The following AGL variants were observed in gnomAD, a reference collection of about 807,000 sequenced individuals.
AGL encodes glycogen debranching enzyme.
AGL carries 128 observed loss-of-function variants against 199.3 expected under a neutral mutation model. The observed-to-expected ratio is 0.64, with a 90% confidence interval of 0.56 to 0.74. AGL has a LOEUF of 0.74. Ranked by LOEUF, AGL falls within the 30% of genes least tolerant of loss-of-function variation. AGL has a pLI of 0.00. For synonymous variants in AGL, 584 were observed against 594.7 expected (o/e 0.98, Z 0.26); for missense variants, 1,809 against 1,820.8 (o/e 0.99, Z 0.12).
chr1:99,903,218 T>C (rs1653985479), intron 27 of AGL, among the ~76,000 whole-genome samples: 1 of 152,172 alleles, frequency 6.6e-6, no homozygotes, highest in Non-Finnish European at 1.5e-5. Context: ...ACATGTGCCA[T>C]GTTGGTGTGC....
chr1:99,913,797 C>A (rs1430908187), intron 30 of AGL, 59 bp downstream of exon 30: 1 of 1,498,704 alleles, frequency 6.7e-7, no homozygotes, highest in Non-Finnish European at 9.3e-7. Flanking sequence ...TTGCTTAGTT[C>A]CTTATTCCCA....
intron 2 of AGL, 26 bp downstream of exon 2, chr1:99,851,150 C>T (rs780347417): frequency 6.3e-7 from 1 of 1,579,404 alleles, no homozygotes; most frequent in Non-Finnish European, 8.7e-7. Context: ...TTTTGATTTG[C>T]TCATTTGCGT....
chr1:99,880,579 C>A, intron 13 of AGL, 53 bp from the exon 14 acceptor site: 1 of 1,579,318 alleles, frequency 6.3e-7, no homozygotes, highest in Non-Finnish European at 8.7e-7. Flanking sequence ...AATCTAACCT[C>A]TTCCTGGACA....
intron 11 of AGL, 101 bp downstream of exon 11, chr1:99,876,698 G>T: frequency 7.3e-7 from 1 of 1,368,788 alleles, no homozygotes; most frequent in Non-Finnish European, 1.0e-6. Flanking sequence ...TAGTCTATTG[G>T]TTTTTAAATA....
chr1:99,874,745 T>G lies in AGL; in HGVS notation c.1017T>G (p.Pro339=), dbSNP rs1651356585. Residue 339 remains proline, a synonymous_variant, in exon 8 of 34, where the codon CCT becomes CCG. Transcript: ENST00000361915. ...PNQHLTIIQD[P]EYRRFGCTVD... ...AACACCTTACGATTATTCAAGATCC[T>G]GAATACAGACGGTTTGGCTGTACTG... 11 of 1,613,518 alleles carry G rather than the reference T, an allele frequency of 6.8e-6. No individual in the cohort carries two copies. The highest frequency in any genetic ancestry group is 9.3e-6 in the Non-Finnish European group (11 of 1,179,600).
Position 99,881,448 on chromosome 1 carries a change from G to A in AGL, c.2157+1G>A. The A allele has an allele frequency of 6.2e-7, 1 of 1,614,008 alleles. No individual in the cohort carries two copies. The highest frequency in any genetic ancestry group is 1.1e-5 in the South Asian group (1 of 91,076). On this transcript the variant is annotated splice_donor_variant, in intron 16 of 33. Transcript: ENST00000361915. LOFTEE classifies it high-confidence loss of function. ...GCTTGGAGCCAAGGGTTTTATTCAG[G>A]CAAGAAATAATTAAATTTGTTTCTT...
chr1:99,857,430 AGTCTC>A (rs910028816), intron 2 of AGL, among the ~76,000 whole-genome samples: 4 of 152,118 alleles, frequency 2.6e-5, no homozygotes, highest in Non-Finnish European at 5.9e-5. Context: ...CAGAGGCTGC[AGTCTC>A]GGCACTTTGG....
chr1:99,884,883 T>A (rs534159233), intron 20 of AGL, among the ~76,000 whole-genome samples, 180 bp downstream of exon 20: 2 of 152,338 alleles, frequency 1.3e-5, no homozygotes, highest in South Asian at 4.1e-4. Context: ...TTTGTGTGTG[T>A]ACCTGCATGT....
chr1:99,882,753 A>G (rs1307463444), intron 17 of AGL, among the ~76,000 whole-genome samples: 3 of 152,174 alleles, frequency 2.0e-5, no homozygotes, highest in Non-Finnish European at 4.4e-5. Context: ...ACAGCATAGC[A>G]TGCTCCTGTT....
intron 22 of AGL, 41 bp from the exon 23 acceptor site, chr1:99,891,565 T>C (rs1382831787): frequency 6.2e-7 from 1 of 1,609,930 alleles, no homozygotes; most frequent in East Asian, 2.2e-5. Flanking sequence ...ACCTAGTCTG[T>C]ACACATACCA....
chr1:99,870,108 C>T (rs1650862126), intron 5 of AGL, among the ~76,000 whole-genome samples: 1 of 152,028 alleles, frequency 6.6e-6, no homozygotes, highest in Non-Finnish European at 1.5e-5. Context: ...ATTTCATTAA[C>T]ACTTTAGGAT....
chr1:99,901,147 T>G (rs1653806389), intron 26 of AGL, among the ~76,000 whole-genome samples: 1 of 151,792 alleles, frequency 6.6e-6, no homozygotes, highest in Non-Finnish European at 1.5e-5. Context: ...GTCCAGTAGG[T>G]AGGTCTCAGG....
chr1:99,850,955 A>T lies in AGL; in HGVS notation c.-68-20A>T, dbSNP rs1648898216. 5.5e-6 allele frequency: 6 copies of T among 1,091,108 alleles called. No homozygotes were observed. The South Asian group carries it at 7.5e-5, about 14-fold the overall frequency. The allele number at this position is 1,091,108 out of a possible 1,614,324, so 67.6% of individuals were successfully genotyped here. ...AGGCAATAGTTATTTTCGATATTTT[A>T]ACTCCTTTTTGTTTCATAGGGGTAA... On this transcript the variant is annotated intron_variant, in intron 1 of 33. Coordinates refer to ENST00000361915, the MANE Select transcript of AGL (RefSeq NM_000642.3).
rs138069432 is a variant in AGL at position 99,853,400 on chromosome 1, T to C, written c.82+2276T>C. Among the ~76,000 whole-genome samples, 318 of 152,360 alleles carry C rather than the reference T, an allele frequency of 2.1e-3. 3 individuals are homozygous for C. The highest frequency in any genetic ancestry group is 7.6e-3 in the African/African-American group (314 of 41,586). On this transcript the variant is annotated intron_variant, in intron 2 of 33. Transcript: ENST00000361915. ...TTTATATCTGTTAAATCTCATTTACTGTCAGTCTATGTGTTGCCTAAGTTT... is the reference window on the plus strand; with the variant it reads ...TTTATATCTGTTAAATCTCATTTACCGTCAGTCTATGTGTTGCCTAAGTTT...
intron 27 of AGL, among the ~76,000 whole-genome samples, chr1:99,909,278 C>T (rs1362020857): frequency 6.6e-6 from 1 of 152,142 alleles, no homozygotes; most frequent in African/African-American, 2.4e-5. Flanking sequence ...GCTGCCACCC[C>T]AAGGCCACCT....
chr1:99,881,324 T>C lies in AGL; in HGVS notation c.2034T>C (p.Thr678=), dbSNP rs1440427781. The C allele has an allele frequency of 5.0e-6, 8 of 1,614,030 alleles. No homozygotes were observed. In the African/African-American group the frequency reaches 1.1e-4, roughly 22 times the overall value. The change falls in exon 16 of 34, where the codon ACT becomes ACC. Residue 678 remains threonine (T), a synonymous_variant. Coordinates refer to ENST00000361915, the MANE Select transcript of AGL (RefSeq NM_000642.3). ...ISVVSEERFY[T]KWNPEALPSN... is the part of the protein sequence containing the mutation. ...TGGTTTCTGAAGAACGGTTTTACAC[T>C]AAGTGGAATCCTGAAGCATTGCCTT...
intron 21 of AGL, among the ~76,000 whole-genome samples, chr1:99,891,002 C>T (rs967365107): frequency 6.6e-6 from 1 of 151,982 alleles, no homozygotes; most frequent in African/African-American, 2.4e-5. Flanking sequence ...GACAGTAGTC[C>T]CCTTCAGTAT....
chr1:99,875,106 T>C, intron 8 of AGL, 48 bp from the exon 9 acceptor site: 1 of 1,507,368 alleles, frequency 6.6e-7, no homozygotes, highest in South Asian at 1.2e-5. Flanking sequence ...AAATGTAGAA[T>C]CTGTAAAGCC....
chr1:99,860,370 C>CA (rs1649933804), intron 2 of AGL, among the ~76,000 whole-genome samples: 1 of 151,964 alleles, frequency 6.6e-6, no homozygotes, highest in Admixed American at 6.6e-5. Context: ...CCTGCCTCAT[C>CA]AGTTATTATT....
Sources: gnomAD v4.1 joint callset for allele counts (sites outside exome capture counted in the v4.1 genomes callset) on GRCh38, gnomAD v4.1.1 for gene constraint, MANE v1.5 for transcripts, NCBI Gene and HGNC (gene_info 2026-07-23, HGNC 2026-07-21) for gene names.